Variants in MCFD2 observed in about 807,000 individuals in gnomAD.
MCFD2 encodes multiple coagulation factor deficiency protein 2.
Under a neutral mutation model 12.8 loss-of-function variants are expected in MCFD2, and 11 were observed. That is an observed-to-expected ratio of 0.86 (90% CI 0.54 to 1.42). The LOEUF (loss-of-function observed/expected upper bound fraction) is 1.42, where lower values mean the gene tolerates loss of function less well. MCFD2 is among the 40% of genes most tolerant of loss of function. MCFD2 has a pLI of 0.00. For synonymous variants in MCFD2, 70 were observed against 68.1 expected, an observed-to-expected ratio of 1.03 and a Z score of -0.14; for missense variants, 191 against 178.6, an observed-to-expected ratio of 1.07 and a Z score of -0.40.
At chr2:46,922,344 G>T (rs1669149867) in intron 1 of MCFD2, among the ~76,000 whole-genome samples, 1 of 152,126 alleles carries the variant, frequency 6.6e-6, no homozygotes, top group African/African-American at 2.4e-5. Context: ...GTGGGGCTTT[G>T]TCTATGGGAG....
intron 1 of MCFD2, among the ~76,000 whole-genome samples, chr2:46,928,345 TC>T (rs1669508461): frequency 6.6e-6 from 1 of 150,440 alleles, no homozygotes; most frequent in African/African-American, 2.4e-5. Flanking sequence ...CAGGCCAGGA[TC>T]AACTATGTCC....
At chr2:46,916,142 A>G (rs551472426), upstream of MCFD2, 2 of 985,352 alleles carry the variant, frequency 2.0e-6, no homozygotes, top group Non-Finnish European at 2.4e-6. Flanking sequence ...GCTGGCTCCC[A>G]ACTCCGCTCA....
At chr2:46,925,680 C>G (rs932337615) in intron 1 of MCFD2, among the ~76,000 whole-genome samples, 1 of 152,276 alleles carries the variant, frequency 6.6e-6, no homozygotes, top group Non-Finnish European at 1.5e-5. Flanking sequence ...TCTCCCCTGC[C>G]ACCTCCCCCA....
upstream of MCFD2, among the ~76,000 whole-genome samples, chr2:46,917,533 G>A (rs1668875085): frequency 6.6e-6 from 1 of 152,154 alleles, no homozygotes; most frequent in South Asian, 2.1e-4. Context: ...ATACAAATAA[G>A]ACAAATGAAG....
intron 1 of MCFD2, among the ~76,000 whole-genome samples, chr2:46,936,086 G>C (rs1669964066): frequency 6.6e-6 from 1 of 152,106 alleles, no homozygotes; most frequent in African/African-American, 2.4e-5. Context: ...GCAAGACCCT[G>C]TCTCTAAAAA....
intron 1 of MCFD2, among the ~76,000 whole-genome samples, chr2:46,911,681 G>A (rs1209406319): frequency 6.6e-6 from 1 of 151,922 alleles, no homozygotes; most frequent in African/African-American, 2.4e-5. Context: ...CAGCACTTTG[G>A]GAGGCCGAGG....
In MCFD2 at chr2:46,902,555, T is replaced by C. The variant is rs1668055728; in HGVS notation, c.*2908A>G. On this transcript the variant is annotated 3_prime_UTR_variant, in exon 4 of 4. Transcript: ENST00000319466. ...ACAGAAAAGCAATAAAGTATAAGGA[T>C]GTGGCAGTAGTTGTATAAAATACTG... is the stretch of plus-strand genomic sequence containing the variant. 1 of 152,644 alleles carries C rather than the reference T, an allele frequency of 6.6e-6. No homozygotes were observed. The highest frequency in any genetic ancestry group is 2.1e-4 in the South Asian group (1 of 4,828). 9.5% of individuals were successfully genotyped at this position (152,644 alleles called of 1,614,324 possible).
At chr2:46,925,683 C>T (rs1669350472) in intron 1 of MCFD2, among the ~76,000 whole-genome samples, 1 of 152,136 alleles carries the variant, frequency 6.6e-6, no homozygotes, top group African/African-American at 2.4e-5. Context: ...CCCCTGCCAC[C>T]TCCCCCAAAA....
intron 1 of MCFD2, among the ~76,000 whole-genome samples, chr2:46,932,521 T>A (rs918657572): frequency 6.6e-6 from 1 of 152,196 alleles, no homozygotes; most frequent in Non-Finnish European, 1.5e-5. Context: ...CTATGCACTT[T>A]CTTTTGTGTT....
Position 46,941,568 on chromosome 2 carries a change from C to G in MCFD2, c.-8+4G>C. ...TGGCTGCGAAGGGCGCGCACGGCTC[C>G]TACCTGAAGGTGGAGAGCGAGCTGG... is the stretch of plus-strand genomic sequence containing the variant. On this transcript the variant is annotated splice_donor_region_variant and intron_variant, in intron 1 of 2. Transcript: ENST00000409147. This position sits in a 1 kb window ranked among gnomAD's most constrained non-coding sequence, Gnocchi z 4.2. The G allele has an allele frequency of 6.4e-7, 1 of 1,557,114 alleles. No homozygotes were observed. The highest frequency in any genetic ancestry group is 8.7e-7 in the Non-Finnish European group (1 of 1,151,026).
intron 1 of MCFD2, among the ~76,000 whole-genome samples, chr2:46,930,320 C>T (rs1207015285): frequency 6.6e-6 from 1 of 150,946 alleles, no homozygotes; most frequent in Non-Finnish European, 1.5e-5. Context: ...AATATGAATA[C>T]CAGTAATGAA....
chr2:46,931,692 T>TAATAAATAAATAAATAAATAAATAAATA (rs10524721), intron 1 of MCFD2, among the ~76,000 whole-genome samples: 1 of 148,548 alleles, frequency 6.7e-6, no homozygotes, highest in Non-Finnish European at 1.5e-5. Flanking sequence ...AAACAGACAA[T>TAATAAATAAATAAATAAATAAATAAATA]AATAAATAAA....
rs1406145118 is a variant in MCFD2 at position 46,941,485 on chromosome 2, C to T, written c.-8+87G>A. ...CGAGTGCGCCCCAGCCAGGACGCCG[C>T]CCCCGGCCGGGTCTCCACTTCTTGG... On this transcript the variant is annotated intron_variant, in intron 1 of 2. Coordinates refer to the MCFD2 transcript ENST00000409147. The surrounding 1 kb of genome is among the most constrained non-coding windows in gnomAD (Gnocchi z 4.2). 3.3e-6 allele frequency: 5 copies of T among 1,521,090 alleles called. No homozygotes were observed. The highest frequency in any genetic ancestry group is 2.6e-5 in the East Asian group (1 of 37,878). 94.2% of individuals were successfully genotyped at this position (1,521,090 alleles called of 1,614,324 possible).
At chr2:46,905,881 C>A (rs890280311) in intron 3 of MCFD2, 2 of 529,606 alleles carry the variant, frequency 3.8e-6, no homozygotes, top group Non-Finnish European at 7.5e-6. Flanking sequence ...AAAAGAAGGC[C>A]CTTCAAAATA....
chr2:46,933,163 A>C (rs529417275), intron 1 of MCFD2, among the ~76,000 whole-genome samples: 1 of 152,304 alleles, frequency 6.6e-6, no homozygotes, highest in East Asian at 1.9e-4. Flanking sequence ...GGCCCATTGT[A>C]GCAGTCTTGC....
chr2:46,932,466 A>C (rs568491328), intron 1 of MCFD2, among the ~76,000 whole-genome samples: 59 of 152,168 alleles, frequency 3.9e-4, no homozygotes, highest in African/African-American at 1.3e-3. Flanking sequence ...TTATTTATTG[A>C]CCCTAGTTGA....
chr2:46,912,465 C>T (rs1486214835), intron 1 of MCFD2: 2 of 152,208 alleles, frequency 1.3e-5, no homozygotes, highest in East Asian at 1.9e-4. Flanking sequence ...TTGTTCTGAC[C>T]ACACATCTTA....
At chr2:46,920,025 G>A (rs1320062875), upstream of MCFD2, among the ~76,000 whole-genome samples, 1 of 152,150 alleles carries the variant, frequency 6.6e-6, no homozygotes, top group Non-Finnish European at 1.5e-5. Flanking sequence ...TCTGAATTCA[G>A]ATATACTATA....
At chr2:46,938,450 G>C (rs928071780) in intron 1 of MCFD2, among the ~76,000 whole-genome samples, 6 of 152,088 alleles carry the variant, frequency 3.9e-5, no homozygotes, top group African/African-American at 1.4e-4. Flanking sequence ...TTCAACCGAG[G>C]GGGTATTCTC....
Sources: gnomAD v4.1 joint callset for allele counts (sites outside exome capture counted in the v4.1 genomes callset) on GRCh38, gnomAD v4.1.1 for gene constraint, Gnocchi (gnomAD v3.1) non-coding constraint, MANE v1.5 for transcripts, NCBI Gene and HGNC (gene_info 2026-07-23, HGNC 2026-07-21) for gene names.